The following FBXL7 variants were observed in gnomAD, a reference collection of about 807,000 sequenced individuals.
FBXL7 encodes the protein F-box and leucine rich repeat protein 7.
Under a neutral mutation model 38.3 loss-of-function variants are expected in FBXL7, and 12 were observed. The ratio of observed to expected loss-of-function variants is 0.31; its 90% confidence interval spans 0.20 to 0.51. The LOEUF is 0.51. Among genes scored for constraint, FBXL7 ranks in the 20% least tolerant of loss-of-function variants. The probability of loss-of-function intolerance (pLI) is 0.98; values close to 1 mark genes in which losing one functional copy is unlikely to be tolerated. For synonymous variants in FBXL7, 297 were observed against 300.9 expected, an observed-to-expected ratio of 0.99 and a Z score of 0.13; for missense variants, 567 against 676.4, an observed-to-expected ratio of 0.84 and a Z score of 1.79.
chr5:15,700,353 G>T (rs1236927443), intron 2 of FBXL7, among the ~76,000 whole-genome samples: 1 of 152,294 alleles, frequency 6.6e-6, no homozygotes, highest in South Asian at 2.1e-4. Flanking sequence ...CCTTGCTGCA[G>T]ACACACTCAA....
chr5:15,654,515 G>A (rs1208579587), intron 2 of FBXL7, among the ~76,000 whole-genome samples: 1 of 151,420 alleles, frequency 6.6e-6, no homozygotes, highest in Non-Finnish European at 1.5e-5. Flanking sequence ...ATACATATTC[G>A]GAAGCCATCT....
At chr5:15,902,594 G>C (rs2126412039) in intron 2 of FBXL7, among the ~76,000 whole-genome samples, 1 of 152,274 alleles carries the variant, frequency 6.6e-6, no homozygotes, top group Middle Eastern at 3.4e-3. Flanking sequence ...GGTGACAGTG[G>C]CTTTCAAAAT....
At chr5:15,581,602 A>G (rs1739143009) in intron 1 of FBXL7, among the ~76,000 whole-genome samples, 1 of 152,182 alleles carries the variant, frequency 6.6e-6, no homozygotes, top group Non-Finnish European at 1.5e-5. Context: ...TTTGCTCTGG[A>G]AAGTTCTCCC....
intron 1 of FBXL7, among the ~76,000 whole-genome samples, chr5:15,578,075 C>T (rs1450688443): frequency 6.6e-6 from 1 of 152,066 alleles, no homozygotes; most frequent in African/African-American, 2.4e-5. Flanking sequence ...TTTCCCTTGG[C>T]TGATAGGAAG....
chr5:15,501,492 C>A, intron 1 of FBXL7: 1 of 985,520 alleles, frequency 1.0e-6, no homozygotes, highest in Non-Finnish European at 1.2e-6. Context: ...ACGCATAAGG[C>A]AAAGGCATTT....
At chr5:15,913,092 A>G (rs1197330594) in intron 2 of FBXL7, among the ~76,000 whole-genome samples, 3 of 152,286 alleles carry the variant, frequency 2.0e-5, no homozygotes, top group Admixed American at 1.3e-4. Flanking sequence ...GGTTTTTCCA[A>G]GCATTTAAAA....
intron 2 of FBXL7, among the ~76,000 whole-genome samples, chr5:15,805,222 A>G (rs1313663468): frequency 1.3e-5 from 2 of 152,066 alleles, no homozygotes; most frequent in Non-Finnish European, 2.9e-5. Flanking sequence ...GGAAGTTGGG[A>G]CTGCAGTGTA....
intron 2 of FBXL7, among the ~76,000 whole-genome samples, chr5:15,695,834 T>C (rs1312931002): frequency 1.3e-5 from 2 of 152,176 alleles, no homozygotes; most frequent in Non-Finnish European, 2.9e-5. Flanking sequence ...TTAACCCCTA[T>C]GCCAAGAAAG....
intron 2 of FBXL7, among the ~76,000 whole-genome samples, chr5:15,783,996 C>A (rs1737069610): frequency 6.6e-6 from 1 of 152,100 alleles, no homozygotes; most frequent in South Asian, 2.1e-4. Flanking sequence ...GGTGAGCACT[C>A]AGGTCTAGCA....
chr5:15,724,451 A>T (rs538270318), intron 2 of FBXL7, among the ~76,000 whole-genome samples: 1 of 152,310 alleles, frequency 6.6e-6, no homozygotes, highest in South Asian at 2.1e-4. Context: ...ATAAGGATTC[A>T]AAATATTCCT....
intron 2 of FBXL7, among the ~76,000 whole-genome samples, chr5:15,660,638 G>A (rs373598834): frequency 3.3e-5 from 5 of 152,286 alleles, no homozygotes; most frequent in East Asian, 3.9e-4. Context: ...GATTACAGGC[G>A]TGAGACACCG....
At chr5:15,843,478 C>A (rs1738805017) in intron 2 of FBXL7, among the ~76,000 whole-genome samples, 1 of 152,140 alleles carries the variant, frequency 6.6e-6, no homozygotes, top group South Asian at 2.1e-4. Context: ...AAATATGAAT[C>A]TTTCCTTCTG....
At chr5:15,695,970 A>G (rs949627275) in intron 2 of FBXL7, among the ~76,000 whole-genome samples, 1 of 152,238 alleles carries the variant, frequency 6.6e-6, no homozygotes, top group East Asian at 1.9e-4. Context: ...ATGCAGTTAC[A>G]GTGAAGAATT....
At chr5:15,931,058 A>G (rs560445240) in intron 3 of FBXL7, among the ~76,000 whole-genome samples, 11 of 152,350 alleles carry the variant, frequency 7.2e-5, no homozygotes, top group East Asian at 1.9e-4. Flanking sequence ...GAGACTGCCT[A>G]TCCTATCCCT....
At position 15,818,733 on chromosome 5, in the gene FBXL7, TGTGTGTGTGTGAGA is replaced by T. The variant is rs1285570374; in HGVS notation, c.128-109155_128-109142del. Among the ~76,000 whole-genome samples, 869 of 90,648 alleles carry T rather than the reference TGTGTGTGTGTGAGA, an allele frequency of 9.6e-3. 9 individuals carry two copies. Among genetic ancestry groups the T allele is most frequent in the African/African-American group, 0.03 (816 of 26,990 alleles). 59.5% of individuals were successfully genotyped at this position (90,648 alleles called of 152,430 possible). ...GTGTGTGTGTGTGTGTGTGTGTGTG[TGTGTGTGTGTGAGA>T]GAGAGAGAGATTTAAAATTCCCATG... On this transcript the variant is annotated intron_variant, in intron 2 of 3. Transcript: ENST00000504595.
intron 2 of FBXL7, among the ~76,000 whole-genome samples, chr5:15,643,845 G>A (rs1464644645): frequency 1.3e-5 from 2 of 152,304 alleles, no homozygotes; most frequent in African/African-American, 4.8e-5. Flanking sequence ...GCTCCTTGGG[G>A]TTCATGTGAG....
chr5:15,629,640 T>C (rs1056583962), intron 2 of FBXL7, among the ~76,000 whole-genome samples: 1 of 152,158 alleles, frequency 6.6e-6, no homozygotes, highest in Non-Finnish European at 1.5e-5. Context: ...TTGTGTATGC[T>C]TCCTGCGATG....
intron 2 of FBXL7, among the ~76,000 whole-genome samples, chr5:15,666,780 A>G (rs1390919073): frequency 6.6e-6 from 1 of 152,160 alleles, no homozygotes; most frequent in Non-Finnish European, 1.5e-5. Context: ...ATATTTACCT[A>G]TTTTTGTTCC....
Position 15,700,370 on chromosome 5 carries a change from G to A in FBXL7, c.127+84298G>A, listed in dbSNP as rs151043470. Among the ~76,000 whole-genome samples, 938 of 152,276 alleles carry A rather than the reference G, an allele frequency of 6.2e-3. 4 individuals carry two copies. Among genetic ancestry groups the A allele is most frequent in the Non-Finnish European group, 0.011 (725 of 68,018 alleles). ...TTGCTGCAGACACACTCAATAATACGTACGTTGTTAATCCCTGGCTGTTTC... is the reference window on the plus strand; with the variant it reads ...TTGCTGCAGACACACTCAATAATACATACGTTGTTAATCCCTGGCTGTTTC... On this transcript the variant is annotated intron_variant, in intron 2 of 3. Transcript: ENST00000504595.
Sources: gnomAD v4.1 joint callset for allele counts (sites outside exome capture counted in the v4.1 genomes callset) on GRCh38, gnomAD v4.1.1 for gene constraint, MANE v1.5 for transcripts, NCBI Gene and HGNC (gene_info 2026-07-23, HGNC 2026-07-21) for gene names.